Variants in URB2 observed in about 807,000 individuals in gnomAD.
The protein encoded by URB2 is URB2 ribosome biogenesis homolog, also known as unhealthy ribosome biogenesis protein 2 homolog.
Under a neutral mutation model 120.9 loss-of-function variants are expected in URB2, and 86 were observed. The ratio of observed to expected loss-of-function variants is 0.71; its 90% CI spans 0.60 to 0.85. The LOEUF is 0.85. Ranked by LOEUF, URB2 falls within the 40% of genes least tolerant of loss-of-function variation. URB2 has a pLI of 0.00. For missense variants in URB2, 1,765 were observed against 1,836.5 expected, an observed-to-expected ratio of 0.96 and a Z score of 0.71; for synonymous variants, 755 against 758.4, an observed-to-expected ratio of 1.00 and a Z score of 0.07.
At chr1:229,639,276 A>G (rs984305687) in intron 4 of URB2, among the ~76,000 whole-genome samples, 1 of 151,964 alleles carries the variant, frequency 6.6e-6, no homozygotes, top group Non-Finnish European at 1.5e-5. Context: ...AGCCTGGGTG[A>G]CACAGTGAGA....
At chr1:229,653,936 GTTTTTTTTTTT>G (rs760894683) in intron 8 of URB2, among the ~76,000 whole-genome samples, 9 of 60,568 alleles carry the variant, frequency 1.5e-4, no homozygotes, top group Admixed American at 1.3e-3. Context: ...CCATCTTGGT[GTTTTTTTTTTT>G]TTTTTTTTTT....
Position 229,642,596 on chromosome 1 carries a change from C to T in URB2, c.3635-937C>T, listed in dbSNP as rs555863537. 4.7e-4 allele frequency among the ~76,000 whole-genome samples: 72 copies of T among 152,238 alleles called. 2 individuals are homozygous for T. The highest frequency in any genetic ancestry group is 1.6e-3 in the African/African-American group (65 of 41,552). ...CTGGCTTTGGGCGTTATTGTGAAAC[C>T]GTGGGCCCAAGGACACTGGGGATGA... On this transcript the variant is annotated intron_variant, in intron 4 of 9. Transcript: ENST00000258243.
rs1571887239 is a variant in URB2 at position 229,659,385 on chromosome 1, T to A, written c.*88T>A. ...GAGCTGGAGAATGAAAGACTTAAGA[T>A]GTTCTAATTCGTAGTATTGGTATAC... On this transcript the variant is annotated 3_prime_UTR_variant, in exon 10 of 10. Coordinates refer to ENST00000258243, the MANE Select transcript of URB2 (RefSeq NM_014777.4). 7.1e-7 allele frequency: 1 copy of A among 1,400,414 alleles called. No individual in the cohort carries two copies. The highest frequency in any genetic ancestry group is 1.3e-5 in the South Asian group (1 of 78,106). 86.7% of individuals were successfully genotyped at this position (1,400,414 alleles called of 1,614,324 possible).
At chr1:229,655,478 C>A (rs1666384025) in intron 9 of URB2, among the ~76,000 whole-genome samples, 1 of 150,072 alleles carries the variant, frequency 6.7e-6, no homozygotes, top group Non-Finnish European at 1.5e-5. Context: ...AGGTAATCCA[C>A]CCGCCTTGGC....
In URB2 at chr1:229,638,188, A is replaced by G. The variant is rs2102787782; in HGVS notation, c.3575A>G (p.His1192Arg). The change falls in exon 4 of 10, where the codon CAT becomes CGT. Residue 1192 changes from histidine (H) to arginine (R), a missense_variant. His to Arg is a conservative substitution (Grantham distance 29, BLOSUM62 0). Coordinates refer to ENST00000258243, the MANE Select transcript of URB2 (RefSeq NM_014777.4). ...CTGTTCTTTTTGGCCCCAGAACTGCATCCCAAAAAGGACTCCGTGTTTACC... is the reference window on the plus strand; with the variant it reads ...CTGTTCTTTTTGGCCCCAGAACTGCGTCCCAAAAAGGACTCCGTGTTTACC... The part of the protein sequence containing the change: ...LTLFFLAPEL[H>R]PKKDSVFTSM... 1 of 1,613,776 alleles carries G rather than the reference A, an allele frequency of 6.2e-7. No individual in the cohort carries two copies. The highest frequency in any genetic ancestry group is 8.5e-7 in the Non-Finnish European group (1 of 1,179,864).
In URB2 at chr1:229,651,840, G is replaced by C. The variant is rs561992500; in HGVS notation, c.4237+518G>C. 2.2e-4 allele frequency among the ~76,000 whole-genome samples: 34 copies of C among 152,274 alleles called. 1 individual carries two copies. Among genetic ancestry groups the C allele is most frequent in the African/African-American group, 7.7e-4 (32 of 41,562 alleles). ...TGTGTACAATTCATTTTTCAGCTTT[G>C]AAGTTGATTCTTGTTGAATTTCTAA... is the stretch of plus-strand genomic sequence containing the variant. On this transcript the variant is annotated intron_variant, in intron 8 of 9. Coordinates refer to ENST00000258243, the MANE Select transcript of URB2 (RefSeq NM_014777.4).
In URB2 at chr1:229,635,466, C is replaced by G; in HGVS notation, c.853C>G (p.Leu285Val). Residue 285 changes from leucine (L) to valine (V), a missense_variant, in exon 4 of 10, where the codon CTG becomes GTG. By Grantham distance (32) the Leu-to-Val change is conservative. Coordinates refer to ENST00000258243, the MANE Select transcript of URB2 (RefSeq NM_014777.4). ...TCCCATGGACACCGTGCTTAACAGG[C>G]TGGTTGATGCTGGCTACTGTGCAGC... Reference protein sequence around the residue: ...LAPMDTVLNRLVDAGYCAASL... With the variant: ...LAPMDTVLNRVVDAGYCAASL... 6.2e-7 allele frequency: 1 copy of G among 1,612,698 alleles called. No homozygotes were observed. The highest frequency in any genetic ancestry group is 8.5e-7 in the Non-Finnish European group (1 of 1,179,080).
rs1268355020 is a variant in URB2, at chr1:229,635,623, T to C, written c.1010T>C (p.Ile337Thr). The part of the protein sequence containing the change: ...VLPRLFGCLK[I>T]SHLQEEQSKA... Reference sequence around the variant, plus strand: ...CCCAGGTTGTTTGGCTGCTTGAAGATTTCACACCTGCAGGAGGAGCAGAGC... The same window carrying C: ...CCCAGGTTGTTTGGCTGCTTGAAGACTTCACACCTGCAGGAGGAGCAGAGC... Residue 337 changes from isoleucine to threonine, a missense_variant, in exon 4 of 10, where the codon ATT (isoleucine) becomes ACT (threonine). Physicochemically the swap from Ile to Thr is moderately conservative, Grantham distance 89. Coordinates refer to ENST00000258243, the MANE Select transcript of URB2 (RefSeq NM_014777.4). 6.2e-7 allele frequency: 1 copy of C among 1,614,090 alleles called. No individual in the cohort carries two copies. The highest frequency in any genetic ancestry group is 1.3e-5 in the African/African-American group (1 of 75,052).
intron 2 of URB2, among the ~76,000 whole-genome samples, chr1:229,629,376 G>A (rs1005433343): frequency 3.9e-5 from 6 of 152,284 alleles, no homozygotes; most frequent in Middle Eastern, 3.4e-3. Context: ...ATTCTGAGCA[G>A]TCTTTGTATT....
At chr1:229,653,384 A>G (rs940079990) in intron 8 of URB2, among the ~76,000 whole-genome samples, 1 of 152,328 alleles carries the variant, frequency 6.6e-6, no homozygotes, top group African/African-American at 2.4e-5. Flanking sequence ...CGTCCCCACA[A>G]TCAAAATATA....
At chr1:229,645,813 G>A in intron 5 of URB2, 46 bp from the exon 6 acceptor site, 2 of 1,533,992 alleles carry the variant, frequency 1.3e-6, no homozygotes, top group Non-Finnish European at 1.8e-6. Context: ...GTTCTTAAGG[G>A]AGAACACGCT....
chr1:229,627,212 T>G (rs1665514503), intron 1 of URB2, among the ~76,000 whole-genome samples: 1 of 152,254 alleles, frequency 6.6e-6, no homozygotes, highest in South Asian at 2.1e-4. Context: ...CTTGGAGACA[T>G]ATTACTTTCT....
intron 9 of URB2, among the ~76,000 whole-genome samples, chr1:229,654,785 T>C (rs1379449805): frequency 6.6e-6 from 1 of 152,202 alleles, no homozygotes; most frequent in African/African-American, 2.4e-5. Flanking sequence ...TCAAGGTGTT[T>C]AGCAGCATTC....
chr1:229,652,010 T>C (rs1303514670), intron 8 of URB2, among the ~76,000 whole-genome samples: 3 of 152,048 alleles, frequency 2.0e-5, no homozygotes, highest in Non-Finnish European at 4.4e-5. Flanking sequence ...GGTGAAACCC[T>C]GTCTCTACTA....
intron 9 of URB2, among the ~76,000 whole-genome samples, chr1:229,655,357 C>T (rs1666380858): frequency 6.6e-6 from 1 of 152,180 alleles, no homozygotes; most frequent in African/African-American, 2.4e-5. Flanking sequence ...CCTCAGCCCC[C>T]TGAGTAGCTA....
In URB2 at chr1:229,636,785, T is replaced by C; in HGVS notation, c.2172T>C (p.Asp724=). 6.2e-7 allele frequency: 1 copy of C among 1,612,464 alleles called. No homozygotes were observed. The highest frequency in any genetic ancestry group is 8.5e-7 in the Non-Finnish European group (1 of 1,178,802). Residue 724 remains aspartate (D), a synonymous_variant, in exon 4 of 10, where the codon GAT becomes GAC. Coordinates refer to ENST00000258243, the MANE Select transcript of URB2 (RefSeq NM_014777.4). ...ATCAGAGAACGACGGCTTCCTGGGATGGCCAAGTTGGGATGGTGAGTGGAC... is the reference window on the plus strand; with the variant it reads ...ATCAGAGAACGACGGCTTCCTGGGACGGCCAAGTTGGGATGGTGAGTGGAC... ...SLNQRTTASW[D]GQVGMVSGLT...
chr1:229,638,539 G>A (rs1665916625), intron 4 of URB2, among the ~76,000 whole-genome samples: 1 of 151,902 alleles, frequency 6.6e-6, no homozygotes, highest in South Asian at 2.1e-4. Flanking sequence ...CCAGCTACTC[G>A]GGAGGCTGAG....
At chr1:229,645,623 C>A (rs1297544792) in intron 5 of URB2, among the ~76,000 whole-genome samples, 1 of 152,146 alleles carries the variant, frequency 6.6e-6, no homozygotes, top group Non-Finnish European at 1.5e-5. Context: ...TGCTGAAAGA[C>A]CCTGACTTTG....
chr1:229,637,093 C>G lies in URB2; in HGVS notation c.2480C>G (p.Ala827Gly). The G allele has an allele frequency of 6.2e-7, 1 of 1,613,462 alleles. No homozygotes were observed. Among genetic ancestry groups the G allele is most frequent in the African/African-American group, 1.3e-5 (1 of 75,050 alleles). The change falls in exon 4 of 10, where the codon GCC (alanine) becomes GGC (glycine). Residue 827 changes from alanine to glycine, a missense_variant. By Grantham distance (60) the Ala-to-Gly change is moderately conservative (BLOSUM62 0). Coordinates refer to ENST00000258243, the MANE Select transcript of URB2 (RefSeq NM_014777.4). ...TSCSSILCSG[A>G]QRDSGLVSQQ... is the part of the protein sequence containing the mutation. ...TGCTCCAGCATTCTGTGTTCTGGTGCCCAGCGTGACTCAGGTCTTGTCAGT... is the reference window on the plus strand; with the variant it reads ...TGCTCCAGCATTCTGTGTTCTGGTGGCCAGCGTGACTCAGGTCTTGTCAGT...
Sources: gnomAD v4.1 joint callset for allele counts (sites outside exome capture counted in the v4.1 genomes callset) on GRCh38, gnomAD v4.1.1 for gene constraint, MANE v1.5 for transcripts, NCBI Gene and HGNC (gene_info 2026-07-23, HGNC 2026-07-21) for gene names.